OPRM1: variants seen among roughly 807,000 people sequenced by gnomAD.
OPRM1 encodes mu-type opioid receptor.
OPRM1 carries 27 observed loss-of-function variants against 31.8 expected under a neutral mutation model. That is an observed-to-expected ratio of 0.85 (90% CI 0.63 to 1.17). The LOEUF is 1.17. Ranked by LOEUF, OPRM1 falls within the 50% of genes most tolerant of loss-of-function variation. The pLI is 0.00. For synonymous variants in OPRM1, 196 were observed against 189.9 expected, an observed-to-expected ratio of 1.03 and a Z score of -0.26; for missense variants, 536 against 511.1, an observed-to-expected ratio of 1.05 and a Z score of -0.47.
intron 3 of OPRM1, among the ~76,000 whole-genome samples, chr6:154,162,758 T>C (rs546465174): frequency 1.3e-5 from 2 of 152,338 alleles, no homozygotes; most frequent in African/African-American, 4.8e-5. Flanking sequence ...TCCTATGTGC[T>C]GAGGGTCCCA....
intron 1 of OPRM1, among the ~76,000 whole-genome samples, chr6:154,068,926 T>C (rs1026129036): frequency 2.0e-5 from 3 of 152,210 alleles, no homozygotes; most frequent in African/African-American, 7.2e-5. Flanking sequence ...TATCTCATTG[T>C]AGTTTTGACT....
chr6:154,193,587 A>G (rs1012802365), intron 3 of OPRM1, among the ~76,000 whole-genome samples: 1 of 152,242 alleles, frequency 6.6e-6, no homozygotes, highest in Non-Finnish European at 1.5e-5. Flanking sequence ...AAAAACTTCA[A>G]TAACATCAAA....
chr6:154,096,730 C>A (rs560244778), intron 3 of OPRM1, among the ~76,000 whole-genome samples: 12 of 152,186 alleles, frequency 7.9e-5, no homozygotes, highest in Non-Finnish European at 1.5e-4. Flanking sequence ...AGGTAGAATC[C>A]AGACAAGCAC....
At chr6:154,209,469 G>A (rs773115357) in intron 3 of OPRM1, among the ~76,000 whole-genome samples, 3 of 151,852 alleles carry the variant, frequency 2.0e-5, no homozygotes, top group Non-Finnish European at 4.4e-5. Context: ...TAGAGAACAT[G>A]GCAAAACCCT....
chr6:154,115,014 C>T (rs1174155928), intron 3 of OPRM1, among the ~76,000 whole-genome samples: 4 of 152,036 alleles, frequency 2.6e-5, no homozygotes, highest in Non-Finnish European at 5.9e-5. Flanking sequence ...ATTTACAGAA[C>T]AAGAATGTAA....
chr6:154,174,904 T>C (rs770284607), intron 3 of OPRM1, among the ~76,000 whole-genome samples: 9 of 152,160 alleles, frequency 5.9e-5, no homozygotes, highest in Non-Finnish European at 1.2e-4. Flanking sequence ...TATTCTAAAG[T>C]TGACCAAATA....
At chr6:154,077,126 C>A (rs1279369614) in intron 1 of OPRM1, among the ~76,000 whole-genome samples, 1 of 152,120 alleles carries the variant, frequency 6.6e-6, no homozygotes, top group African/African-American at 2.4e-5. Flanking sequence ...GTCAACCAAT[C>A]CACATGTGCT....
intron 3 of OPRM1, chr6:154,167,961 C>G (rs775354023): frequency 6.2e-7 from 1 of 1,603,928 alleles, no homozygotes; most frequent in Admixed American, 1.7e-5. Context: ...TGGAGTTTCT[C>G]GTTTATAGAT....
At chr6:154,114,023 G>A (rs1390981989) in intron 3 of OPRM1, among the ~76,000 whole-genome samples, 1 of 152,026 alleles carries the variant, frequency 6.6e-6, no homozygotes, top group Non-Finnish European at 1.5e-5. Context: ...AGTTGAAAAG[G>A]GCCCCCTAGG....
intron 1 of OPRM1, among the ~76,000 whole-genome samples, chr6:154,012,733 C>A (rs1777795833): frequency 1.3e-5 from 2 of 151,954 alleles, no homozygotes; most frequent in South Asian, 4.1e-4. Flanking sequence ...AATGGAATAC[C>A]ATAGACTGGT....
intron 3 of OPRM1, chr6:154,213,163 C>T (rs763507214): frequency 9.6e-6 from 3 of 311,170 alleles, no homozygotes; most frequent in Non-Finnish European, 1.8e-5. Context: ...AACACAAAAT[C>T]AGTGGTGATT....
At chr6:154,206,195 A>G (rs1423407640) in intron 3 of OPRM1, among the ~76,000 whole-genome samples, 2 of 152,222 alleles carry the variant, frequency 1.3e-5, no homozygotes, top group Non-Finnish European at 2.9e-5. Flanking sequence ...ATGAAACATA[A>G]GCAGCTTGCA....
In OPRM1 at chr6:154,042,581, A is replaced by T. The variant is rs538258466; in HGVS notation, c.290+2747A>T. The stretch of plus-strand genomic sequence containing the variant: ...AATAACTGCTAACATGGACGCTGTG[A>T]TTAACTCTTTGGTTCTGTTTGTAAC... On this transcript the variant is annotated intron_variant, in intron 1 of 3. Coordinates refer to ENST00000330432, the MANE Select transcript of OPRM1 (RefSeq NM_000914.5). Among the ~76,000 whole-genome samples the T allele has an allele frequency of 1.0e-3, 155 of 152,302 alleles. 1 individual carries two copies. Among genetic ancestry groups the T allele is most frequent in the Non-Finnish European group, 1.6e-3 (110 of 68,018 alleles).
chr6:154,020,672 G>A (rs1280492717), intron 1 of OPRM1, among the ~76,000 whole-genome samples: 1 of 152,184 alleles, frequency 6.6e-6, no homozygotes, highest in Non-Finnish European at 1.5e-5. Context: ...CACCAGCAAT[G>A]AATGAGAGTT....
chr6:154,230,656 C>T (rs1583858265), intron 3 of OPRM1, among the ~76,000 whole-genome samples: 1 of 152,110 alleles, frequency 6.6e-6, no homozygotes, highest in African/African-American at 2.4e-5. Context: ...AGGAAACTGT[C>T]ATGTAGTTCC....
At chr6:154,031,845 G>GAATT (rs144911100) in intron 1 of OPRM1, among the ~76,000 whole-genome samples, 4,376 of 152,240 alleles carry the variant, frequency 0.029, 198 homozygotes, top group African/African-American at 0.1. Flanking sequence ...CAAGTACAGG[G>GAATT]AATTATAAGC....
chr6:154,177,517 A>C (rs1253975980), intron 3 of OPRM1, among the ~76,000 whole-genome samples: 2 of 152,258 alleles, frequency 1.3e-5, no homozygotes, highest in African/African-American at 4.8e-5. Context: ...ACATTTATGC[A>C]GCCAACAGAC....
intron 3 of OPRM1, among the ~76,000 whole-genome samples, chr6:154,094,626 A>G (rs1009117610): frequency 6.6e-6 from 1 of 152,170 alleles, no homozygotes; most frequent in African/African-American, 2.4e-5. Context: ...CTTACCGTCT[A>G]GCATGTTACC....
chr6:154,045,728 C>A (rs576315219), intron 1 of OPRM1, among the ~76,000 whole-genome samples: 14 of 152,224 alleles, frequency 9.2e-5, no homozygotes, highest in Non-Finnish European at 1.3e-4. Flanking sequence ...TTACTTTCTG[C>A]CCTAGGGCTT....
Sources: gnomAD v4.1 joint callset for allele counts (sites outside exome capture counted in the v4.1 genomes callset) on GRCh38, gnomAD v4.1.1 for gene constraint, MANE v1.5 for transcripts, NCBI Gene and HGNC (gene_info 2026-07-23, HGNC 2026-07-21) for gene names.